SMG6: variants seen among roughly 807,000 people sequenced by gnomAD.
SMG6 encodes the protein SMG6 nonsense mediated mRNA decay factor, also known as telomerase-binding protein EST1A.
SMG6 carries 66 observed loss-of-function variants against 142.2 expected under a neutral mutation model. The ratio of observed to expected loss-of-function variants is 0.46; its 90% CI spans 0.38 to 0.57. SMG6 has a LOEUF of 0.57. Ranked by LOEUF, SMG6 falls within the 20% of genes least tolerant of loss-of-function variation. The probability of loss-of-function intolerance (pLI) is 0.00; values close to 1 mark genes in which losing one functional copy is unlikely to be tolerated. For synonymous variants in SMG6, 779 were observed against 702.4 expected, an observed-to-expected ratio of 1.11 and a Z score of -1.72; for missense variants, 1,793 against 1,832.0, an observed-to-expected ratio of 0.98 and a Z score of 0.39.
intron 8 of SMG6, among the ~76,000 whole-genome samples, chr17:2,259,048 A>G (rs2074256529): frequency 6.6e-6 from 1 of 152,306 alleles, no homozygotes; most frequent in Non-Finnish European, 1.5e-5. Context: ...ACTGCACTCC[A>G]GCCTGGGCGA....
chr17:2,300,525 A>G lies in SMG6; in HGVS notation c.228T>C (p.Asp76=). The stretch of plus-strand genomic sequence containing the variant: ...AGCAATCTCGGTCATTAACAATTTC[A>G]TCTTTGAATTCCTCACTCCCAGGGG... ...KEPPGSEEFK[D]EIVNDRDCSA... The change falls in exon 2 of 19, where the codon GAT becomes GAC. Residue 76 remains aspartate (D), a synonymous_variant. Transcript: ENST00000263073. 2 of 1,614,082 alleles carry G rather than the reference A, an allele frequency of 1.2e-6. No individual in the cohort carries two copies. Among genetic ancestry groups the G allele is most frequent in the Non-Finnish European group, 1.7e-6 (2 of 1,179,996 alleles).
At chr17:2,078,654 A>G (rs2068326577) in intron 15 of SMG6, among the ~76,000 whole-genome samples, 1 of 152,036 alleles carries the variant, frequency 6.6e-6, no homozygotes, top group Admixed American at 6.6e-5. Context: ...TTACAGGCAT[A>G]AGCCACTGCG....
intron 8 of SMG6, 141 bp downstream of exon 8, chr17:2,282,505 AG>A (rs1464117739): frequency 6.9e-6 from 5 of 728,454 alleles, no homozygotes; most frequent in Non-Finnish European, 9.5e-6. Flanking sequence ...GTACATGAGA[AG>A]GGAAAAGACC....
chr17:2,140,464 G>C (rs1436761768), intron 13 of SMG6, among the ~76,000 whole-genome samples: 1 of 152,212 alleles, frequency 6.6e-6, no homozygotes, highest in Non-Finnish European at 1.5e-5. Flanking sequence ...GAGGTCAGGA[G>C]ATCAAGACCA....
chr17:2,262,890 G>C (rs948000988), intron 8 of SMG6, among the ~76,000 whole-genome samples: 3 of 152,202 alleles, frequency 2.0e-5, no homozygotes, highest in African/African-American at 7.2e-5. Context: ...GATTTCCTCA[G>C]AGACTACTAG....
intron 6 of SMG6, among the ~76,000 whole-genome samples, chr17:2,286,289 C>T (rs559152199): frequency 4.0e-5 from 5 of 125,506 alleles, no homozygotes; most frequent in South Asian, 2.6e-4. Flanking sequence ...TACATAATTA[C>T]AAGGGACCTC....
In SMG6 at chr17:2,068,963, A is replaced by T; in HGVS notation, c.3682-32T>A. 6.2e-7 allele frequency: 1 copy of T among 1,609,620 alleles called. No homozygotes were observed. The highest frequency in any genetic ancestry group is 1.7e-5 in the Admixed American group (1 of 59,868). Reference sequence around the variant, plus strand: ...GGACAGAGTGGTGAATGAGCCAGACAGCGAGCAGGCAAGCAGGTGGGTGAG... The same window carrying T: ...GGACAGAGTGGTGAATGAGCCAGACTGCGAGCAGGCAAGCAGGTGGGTGAG... On this transcript the variant is annotated intron_variant, in intron 15 of 18. Transcript: ENST00000263073. This position sits in a 1 kb window ranked among gnomAD's most constrained non-coding sequence, Gnocchi z 6.7.
chr17:2,254,071 C>A (rs2074108976), intron 8 of SMG6, among the ~76,000 whole-genome samples: 1 of 152,210 alleles, frequency 6.6e-6, no homozygotes, highest in Admixed American at 6.5e-5. Context: ...TCCAGGTACA[C>A]AGAAAAAGAG....
chr17:2,078,332 G>C (rs569757750), intron 15 of SMG6, among the ~76,000 whole-genome samples: 31 of 152,210 alleles, frequency 2.0e-4, no homozygotes, highest in African/African-American at 7.5e-4. Flanking sequence ...AAAAGCCAGA[G>C]TGGAATTTAA....
At chr17:2,260,125 T>A (rs1480057471) in intron 8 of SMG6, among the ~76,000 whole-genome samples, 1 of 152,206 alleles carries the variant, frequency 6.6e-6, no homozygotes, top group African/African-American at 2.4e-5. Context: ...TCTACCTCCC[T>A]GGCAGCTAGC....
intron 10 of SMG6, among the ~76,000 whole-genome samples, chr17:2,232,236 A>T (rs192899234): frequency 5.2e-4 from 79 of 152,292 alleles, no homozygotes; most frequent in Non-Finnish European, 1.0e-3. Context: ...AAATTACAAA[A>T]TTTTTAAAAA....
intron 13 of SMG6, among the ~76,000 whole-genome samples, chr17:2,125,005 G>T (rs982421503): frequency 6.6e-6 from 1 of 152,140 alleles, no homozygotes; most frequent in Non-Finnish European, 1.5e-5. Flanking sequence ...TCTCCATTTG[G>T]AGAAGGAATT....
intron 10 of SMG6, among the ~76,000 whole-genome samples, chr17:2,217,419 A>G (rs1194766886): frequency 6.6e-6 from 1 of 152,078 alleles, no homozygotes; most frequent in Non-Finnish European, 1.5e-5. Context: ...AATGTGATCA[A>G]TTGCAAAGTT....
At chr17:2,239,513 C>T (rs1455818728) in intron 9 of SMG6, among the ~76,000 whole-genome samples, 1 of 151,802 alleles carries the variant, frequency 6.6e-6, no homozygotes, top group African/African-American at 2.4e-5. Flanking sequence ...ATTTTTTAAT[C>T]ATGTGAGAGA....
At chr17:2,236,440 C>G in intron 10 of SMG6, 52 bp downstream of exon 10, 1 of 1,568,216 alleles carries the variant, frequency 6.4e-7, no homozygotes, top group South Asian at 1.2e-5. Flanking sequence ...AAAGAAGCTA[C>G]ATTAATCTCT....
At chr17:2,156,837 G>A (rs1376185687) in intron 13 of SMG6, among the ~76,000 whole-genome samples, 1 of 152,048 alleles carries the variant, frequency 6.6e-6, no homozygotes, top group Non-Finnish European at 1.5e-5. Context: ...TTTTTTTGTG[G>A]TGACAAGGTC....
chr17:2,087,640 T>C, intron 13 of SMG6: 1 of 997,062 alleles, frequency 1.0e-6, no homozygotes, highest in Non-Finnish European at 1.2e-6. Flanking sequence ...GAAGGGAAGC[T>C]TGTCTTGGCC....
intron 13 of SMG6, among the ~76,000 whole-genome samples, chr17:2,155,722 A>G (rs550163175): frequency 1.3e-5 from 2 of 152,354 alleles, no homozygotes; most frequent in African/African-American, 4.8e-5. Context: ...ATGGTACAGA[A>G]ACGCAGCTTG....
intron 10 of SMG6, among the ~76,000 whole-genome samples, chr17:2,193,526 G>C (rs1277052752): frequency 6.6e-6 from 1 of 152,116 alleles, no homozygotes; most frequent in African/African-American, 2.4e-5. Flanking sequence ...TTCTTCTAAA[G>C]CTCTTCTGAA....
Sources: gnomAD v4.1 joint callset for allele counts (sites outside exome capture counted in the v4.1 genomes callset) on GRCh38, gnomAD v4.1.1 for gene constraint, Gnocchi (gnomAD v3.1) non-coding constraint, MANE v1.5 for transcripts, NCBI Gene and HGNC (gene_info 2026-07-23, HGNC 2026-07-21) for gene names.